Variants in ANKH observed in about 807,000 individuals in gnomAD.
The protein encoded by ANKH is ANKH inorganic pyrophosphate transport regulator, also known as mineralization regulator ANKH.
A neutral mutation model predicts 49.0 loss-of-function variants in ANKH; 15 were observed. The observed-to-expected ratio is 0.31, with a 90% CI of 0.20 to 0.47. The LOEUF (loss-of-function observed/expected upper bound fraction) is 0.47. Ranked by LOEUF, ANKH falls within the 20% of genes least tolerant of loss-of-function variation. The pLI is 1.00. For missense variants in ANKH, 429 were observed against 652.0 expected, an observed-to-expected ratio of 0.66 and a Z score of 3.72; for synonymous variants, 273 against 260.0, an observed-to-expected ratio of 1.05 and a Z score of -0.48.
intron 1 of ANKH, among the ~76,000 whole-genome samples, chr5:14,809,335 T>TAAAAAAAAAAAAAAAAAAAAAAAAA (rs36119317): frequency 1.2e-5 from 1 of 80,858 alleles, no homozygotes; most frequent in Non-Finnish European, 2.4e-5. Context: ...TAGAGTATAA[T>TAAAAAAAAAAAAAAAAAAAAAAAAA]AAAAAAAAAA....
chr5:14,747,879 C>A (rs534389635), intron 6 of ANKH, among the ~76,000 whole-genome samples: 4 of 152,236 alleles, frequency 2.6e-5, no homozygotes, highest in Non-Finnish European at 4.4e-5. Context: ...GAAGCACCAC[C>A]TCTCCCACGG....
At chr5:14,726,372 C>A (rs560412404) in intron 8 of ANKH, among the ~76,000 whole-genome samples, 22 of 152,046 alleles carry the variant, frequency 1.4e-4, no homozygotes, top group African/African-American at 5.1e-4. Context: ...GGCTTTCACT[C>A]GGAGGGATGT....
At chr5:14,852,433 T>C (rs1376096074) in intron 1 of ANKH, among the ~76,000 whole-genome samples, 1 of 152,194 alleles carries the variant, frequency 6.6e-6, no homozygotes, top group Non-Finnish European at 1.5e-5. Flanking sequence ...AATTTTAAAG[T>C]CCAAGCAGCT....
At chr5:14,724,756 T>C (rs766213101) in intron 8 of ANKH, among the ~76,000 whole-genome samples, 7 of 152,110 alleles carry the variant, frequency 4.6e-5, no homozygotes, top group Non-Finnish European at 7.4e-5. Flanking sequence ...GCACGTGAAC[T>C]CAGAAACATG....
intron 1 of ANKH, among the ~76,000 whole-genome samples, chr5:14,852,104 G>C (rs1742137817): frequency 6.6e-6 from 1 of 152,160 alleles, no homozygotes; most frequent in Non-Finnish European, 1.5e-5. Context: ...CAACATAGCA[G>C]GACCCTGTCT....
At chr5:14,723,094 G>A (rs1037708189) in intron 8 of ANKH, among the ~76,000 whole-genome samples, 21 of 152,104 alleles carry the variant, frequency 1.4e-4, no homozygotes, top group Non-Finnish European at 2.2e-4. Context: ...AACTCTCAGA[G>A]ACCAGAGGAG....
chr5:14,759,290 C>T (rs560577936), intron 2 of ANKH, among the ~76,000 whole-genome samples: 3 of 152,198 alleles, frequency 2.0e-5, no homozygotes, highest in African/African-American at 7.2e-5. Flanking sequence ...AACATAGGCA[C>T]TCAGCCAGTA....
Position 14,713,211 on chromosome 5 carries a change from C to A in ANKH, c.1266-238G>T, listed in dbSNP as rs1021981367. Among the ~76,000 whole-genome samples, 2 of 152,158 alleles carry A rather than the reference C, an allele frequency of 1.3e-5. No individual in the cohort carries two copies. Among genetic ancestry groups the A allele is most frequent in the African/African-American group, 4.8e-5 (2 of 41,428 alleles). The stretch of plus-strand genomic sequence containing the variant: ...GGATCCCACAGCCCTTCCCACCCTC[C>A]CCAGGACGCTGGGAGCTCCCTGAGC... On this transcript the variant is annotated intron_variant, in intron 10 of 11. Transcript: ENST00000284268. The surrounding 1 kb of genome is among the most constrained non-coding windows in gnomAD (Gnocchi z 4.4).
chr5:14,739,793 T>C (rs887350409), intron 8 of ANKH, among the ~76,000 whole-genome samples: 5 of 152,334 alleles, frequency 3.3e-5, no homozygotes, highest in Non-Finnish European at 7.3e-5. Flanking sequence ...TGAAAAATTA[T>C]GGGTTTTGAC....
At chr5:14,759,314 T>G (rs931911222) in intron 2 of ANKH, among the ~76,000 whole-genome samples, 1 of 152,188 alleles carries the variant, frequency 6.6e-6, no homozygotes, top group Non-Finnish European at 1.5e-5. Context: ...GCTGAATGAA[T>G]GCATATGTGT....
chr5:14,851,301 C>T (rs541814449), intron 1 of ANKH, among the ~76,000 whole-genome samples: 2 of 152,196 alleles, frequency 1.3e-5, no homozygotes, highest in East Asian at 1.9e-4. Context: ...GACTGGACTC[C>T]GCCTTCCTCT....
At chr5:14,833,699 C>G (rs547901482) in intron 1 of ANKH, among the ~76,000 whole-genome samples, 1 of 152,190 alleles carries the variant, frequency 6.6e-6, no homozygotes, top group Non-Finnish European at 1.5e-5. Flanking sequence ...AATGCTGGGC[C>G]TGAGGGAAGT....
intron 1 of ANKH, among the ~76,000 whole-genome samples, chr5:14,847,734 G>C (rs1013591011): frequency 2.0e-5 from 3 of 152,226 alleles, no homozygotes; most frequent in Non-Finnish European, 2.9e-5. Flanking sequence ...TTAGGATAAA[G>C]AGATTTTCTC....
rs559982733 is a variant in ANKH at position 14,711,953 on chromosome 5, C to T, written c.1366-643G>A. 8.5e-5 allele frequency among the ~76,000 whole-genome samples: 13 copies of T among 152,362 alleles called. No individual in the cohort carries two copies. The South Asian group carries it at 1.0e-3, about 12-fold the overall frequency. ...GACATTGTCCTCTGTCTGCCAACCC[C>T]GCTGGTCCCCCATCCACGGATCCCA... On this transcript the variant is annotated intron_variant, in intron 11 of 11. Transcript: ENST00000284268.
intron 1 of ANKH, among the ~76,000 whole-genome samples, chr5:14,808,320 G>A (rs1740767622): frequency 6.6e-6 from 1 of 152,048 alleles, no homozygotes; most frequent in Non-Finnish European, 1.5e-5. Flanking sequence ...AAGCCATCAA[G>A]TCTAAGACTT....
chr5:14,780,623 G>A (rs1178257922), intron 1 of ANKH, among the ~76,000 whole-genome samples: 1 of 152,222 alleles, frequency 6.6e-6, no homozygotes, highest in Non-Finnish European at 1.5e-5. Flanking sequence ...GTGTCCAGTT[G>A]AAAGCTGATA....
At chr5:14,771,657 A>C (rs1739432537) in intron 1 of ANKH, among the ~76,000 whole-genome samples, 1 of 152,162 alleles carries the variant, frequency 6.6e-6, no homozygotes, top group Admixed American at 6.5e-5. Context: ...GCGGTGGCTC[A>C]CTTCTGTAAT....
At chr5:14,845,246 G>A (rs1181503678) in intron 1 of ANKH, among the ~76,000 whole-genome samples, 1 of 151,874 alleles carries the variant, frequency 6.6e-6, no homozygotes, top group Non-Finnish European at 1.5e-5. Flanking sequence ...GATGAATAAC[G>A]AGTCCAGAAC....
At chr5:14,813,643 C>T (rs992296758) in intron 1 of ANKH, among the ~76,000 whole-genome samples, 1 of 152,284 alleles carries the variant, frequency 6.6e-6, no homozygotes, top group African/African-American at 2.4e-5. Context: ...CCCCTGCCCA[C>T]GGCGTCTATC....
Sources: gnomAD v4.1 joint callset for allele counts (sites outside exome capture counted in the v4.1 genomes callset) on GRCh38, gnomAD v4.1.1 for gene constraint, Gnocchi (gnomAD v3.1) non-coding constraint, MANE v1.5 for transcripts, NCBI Gene and HGNC (gene_info 2026-07-23, HGNC 2026-07-21) for gene names.